LUC7L: variants seen among roughly 807,000 people sequenced by gnomAD.
LUC7L encodes putative RNA-binding protein Luc7-like 1.
In LUC7L, 29 loss-of-function variants were observed where a neutral mutation model predicts 51.1. The observed-to-expected ratio is 0.57, with a 90% confidence interval of 0.42 to 0.77. LUC7L has a LOEUF of 0.77. Ranked by LOEUF, LUC7L falls within the 30% of genes least tolerant of loss-of-function variation. The pLI is 0.00. For missense variants in LUC7L, 403 were observed against 511.9 expected (o/e 0.79, Z 2.05); for synonymous variants, 181 against 180.7 (o/e 1.00, Z -0.01).
intron 1 of LUC7L, chr16:228,168 G>A: frequency 1.6e-6 from 2 of 1,239,194 alleles, no homozygotes; most frequent in Non-Finnish European, 2.1e-6. Context: ...ACAGAGCTGT[G>A]CAACGCTAGA....
intron 3 of LUC7L, among the ~76,000 whole-genome samples, chr16:218,356 T>C (rs1364132658): frequency 1.3e-5 from 2 of 152,188 alleles, no homozygotes; most frequent in South Asian, 2.1e-4. Flanking sequence ...CAAACCCCTC[T>C]ACTAACCTCT....
chr16:202,236 G>T (rs1316961414), intron 5 of LUC7L, among the ~76,000 whole-genome samples: 1 of 121,266 alleles, frequency 8.2e-6, no homozygotes, highest in Non-Finnish European at 2.0e-5. Flanking sequence ...CATATCACAT[G>T]GCAAAAGAAG....
At chr16:221,690 G>C (rs1327357346) in intron 2 of LUC7L, among the ~76,000 whole-genome samples, 1 of 151,834 alleles carries the variant, frequency 6.6e-6, no homozygotes, top group African/African-American at 2.4e-5. Context: ...GTGATAAAGT[G>C]AGACTCTGTC....
chr16:213,382 T>A (rs529991324), intron 3 of LUC7L, among the ~76,000 whole-genome samples: 202 of 151,630 alleles, frequency 1.3e-3, no homozygotes, highest in African/African-American at 4.6e-3. Flanking sequence ...AGGCAGAAAA[T>A]AAAGGCCCAC....
chr16:207,068 G>A (rs2049503725), intron 4 of LUC7L, among the ~76,000 whole-genome samples: 2 of 151,606 alleles, frequency 1.3e-5, no homozygotes, highest in South Asian at 4.2e-4. Context: ...GCGTGGTGGT[G>A]GGCACCTGTA....
At chr16:227,676 C>T in intron 1 of LUC7L, 1 of 1,081,276 alleles carries the variant, frequency 9.2e-7, no homozygotes. Context: ...AATCAGAGGT[C>T]CATGAACCAC....
chr16:224,950 T>C (rs1300513667), intron 2 of LUC7L, among the ~76,000 whole-genome samples: 2 of 152,208 alleles, frequency 1.3e-5, no homozygotes, highest in South Asian at 2.1e-4. Flanking sequence ...TTACCCTCTT[T>C]GGATGTAGCT....
chr16:225,153 T>A (rs527548633), intron 2 of LUC7L, among the ~76,000 whole-genome samples: 277 of 152,172 alleles, frequency 1.8e-3, no homozygotes, highest in African/African-American at 5.9e-3. Flanking sequence ...GGTCTAACAC[T>A]ACTGACCAGG....
chr16:211,792 G>C (rs2049647689), intron 3 of LUC7L, among the ~76,000 whole-genome samples: 2 of 152,162 alleles, frequency 1.3e-5, no homozygotes, highest in African/African-American at 4.8e-5. Flanking sequence ...GGCAAAACTG[G>C]ACAATATCAG....
chr16:203,311 A>G (rs2142065014), intron 5 of LUC7L, among the ~76,000 whole-genome samples: 1 of 152,326 alleles, frequency 6.6e-6, no homozygotes, highest in South Asian at 2.1e-4. Context: ...GGAGCAAATC[A>G]TGCCAATTCT....
At chr16:199,688 T>A (rs935211710) in intron 5 of LUC7L, among the ~76,000 whole-genome samples, 2 of 147,970 alleles carry the variant, frequency 1.4e-5, no homozygotes, top group African/African-American at 5.0e-5. Context: ...GGAGAATGGC[T>A]TGAACTCGGG....
intron 7 of LUC7L, 50 bp downstream of exon 7, chr16:192,877 G>A (rs2049046579): frequency 1.4e-6 from 2 of 1,473,696 alleles, no homozygotes; most frequent in African/African-American, 2.8e-5. Flanking sequence ...GACCGAGCAG[G>A]GAATGCCCGA....
intron 5 of LUC7L, among the ~76,000 whole-genome samples, 154 bp from the exon 6 acceptor site, chr16:199,392 C>T (rs1464769744): frequency 6.6e-6 from 1 of 152,162 alleles, no homozygotes; most frequent in Non-Finnish European, 1.5e-5. Flanking sequence ...TTATAACCAA[C>T]TCAATTTTCA....
rs571857746 is a variant in LUC7L, at chr16:218,384, G to A, written c.255+2265C>T. On this transcript the variant is annotated intron_variant, in intron 3 of 9. Coordinates refer to ENST00000293872, the MANE Select transcript of LUC7L (RefSeq NM_201412.3). Reference sequence around the variant, plus strand: ...TAACCTCTGGTCATACTAGCGATGGGTGATTAGGGATTAAAAAACAATTAA... The same window carrying A: ...TAACCTCTGGTCATACTAGCGATGGATGATTAGGGATTAAAAAACAATTAA... 2.0e-5 allele frequency among the ~76,000 whole-genome samples: 3 copies of A among 152,218 alleles called. No homozygotes were observed. The South Asian group carries it at 6.2e-4, about 32-fold the overall frequency.
chr16:214,160 TG>T lies in LUC7L; in HGVS notation c.256-5973del, dbSNP rs1027482201. ...TCGGCTCACTGCAACCTCTGCCTCC[TG>T]GGTTCAAGCTATTCTCCTGCCTCAG... On this transcript the variant is annotated intron_variant, in intron 3 of 9. Coordinates refer to ENST00000293872, the MANE Select transcript of LUC7L (RefSeq NM_201412.3). 5.4e-4 allele frequency among the ~76,000 whole-genome samples: 82 copies of T among 152,108 alleles called. 1 individual carries two copies. Among genetic ancestry groups the T allele is most frequent in the African/African-American group, 1.7e-3 (72 of 41,524 alleles).
intron 6 of LUC7L, among the ~76,000 whole-genome samples, chr16:198,167 T>C (rs1371064479): frequency 6.8e-6 from 1 of 147,900 alleles, no homozygotes; most frequent in Non-Finnish European, 1.5e-5. Flanking sequence ...TAGTCCCAGC[T>C]ACTGTGGAGG....
At chr16:218,250 G>T (rs368598591) in intron 3 of LUC7L, among the ~76,000 whole-genome samples, 1 of 151,958 alleles carries the variant, frequency 6.6e-6, no homozygotes, top group African/African-American at 2.4e-5. Context: ...TAATGCAAGC[G>T]GAGGGACCCT....
At chr16:209,915 C>T (rs2049592301) in intron 3 of LUC7L, 1 of 152,242 alleles carries the variant, frequency 6.6e-6, no homozygotes, top group South Asian at 2.1e-4. Flanking sequence ...CCCAGTCTCC[C>T]AAGAAGCTGG....
chr16:189,887 G>C, intron 9 of LUC7L, 81 bp downstream of exon 9: 1 of 1,543,240 alleles, frequency 6.5e-7, no homozygotes, highest in East Asian at 2.3e-5. Flanking sequence ...ATCCCCACCA[G>C]ACACGGCCCT....
Sources: gnomAD v4.1 joint callset for allele counts (sites outside exome capture counted in the v4.1 genomes callset) on GRCh38, gnomAD v4.1.1 for gene constraint, MANE v1.5 for transcripts, NCBI Gene and HGNC (gene_info 2026-07-23, HGNC 2026-07-21) for gene names.